RGS6: variants seen among roughly 807,000 people sequenced by gnomAD.
RGS6 encodes regulator of G-protein signaling 6.
RGS6 carries 30 observed loss-of-function variants against 78.5 expected under a neutral mutation model. The ratio of observed to expected loss-of-function variants is 0.38; its 90% CI spans 0.29 to 0.52. The LOEUF (loss-of-function observed/expected upper bound fraction) is 0.52, where lower values mean the gene tolerates loss of function less well. Among genes scored for constraint, RGS6 ranks in the 20% least tolerant of loss-of-function variants. The pLI is 0.85. For synonymous variants in RGS6, 206 were observed against 206.0 expected, an observed-to-expected ratio of 1.00 and a Z score of 0.00; for missense variants, 495 against 609.7, an observed-to-expected ratio of 0.81 and a Z score of 1.98.
chr14:72,149,310 T>C (rs1598401506), intron 2 of RGS6, among the ~76,000 whole-genome samples: 1 of 152,288 alleles, frequency 6.6e-6, no homozygotes, highest in Admixed American at 6.5e-5. Context: ...TCATTAGACA[T>C]GGCCCAGCCA....
At chr14:72,370,729 T>G (rs2083348816) in intron 3 of RGS6, among the ~76,000 whole-genome samples, 1 of 152,234 alleles carries the variant, frequency 6.6e-6, no homozygotes, top group African/African-American at 2.4e-5. Context: ...AAAAAATTTT[T>G]TAACATCAAT....
chr14:71,878,765 C>G, the RGS6 span, among the ~76,000 whole-genome samples: 1 of 152,174 alleles, frequency 6.6e-6, no homozygotes, highest in Non-Finnish European at 1.5e-5. Flanking sequence ...TCACCTGTCT[C>G]TGCATCACTC....
chr14:72,394,280 G>C (rs914511639), intron 3 of RGS6, among the ~76,000 whole-genome samples: 1 of 152,134 alleles, frequency 6.6e-6, no homozygotes, highest in Admixed American at 6.6e-5. Flanking sequence ...GTTTTTACTA[G>C]TGATTTTCAA....
At chr14:72,331,798 T>C (rs1417041002) in intron 2 of RGS6, among the ~76,000 whole-genome samples, 2 of 152,166 alleles carry the variant, frequency 1.3e-5, no homozygotes, top group Non-Finnish European at 2.9e-5. Flanking sequence ...CCAATTCATT[T>C]TCGTAACAAA....
chr14:72,227,812 G>T (rs1473471023), intron 2 of RGS6, among the ~76,000 whole-genome samples: 2 of 152,144 alleles, frequency 1.3e-5, no homozygotes, highest in African/African-American at 2.4e-5. Flanking sequence ...TGGGAGAAAA[G>T]AAAAACTTCT....
intron 2 of RGS6, among the ~76,000 whole-genome samples, chr14:72,166,966 G>C (rs1243449096): frequency 1.3e-5 from 2 of 152,270 alleles, no homozygotes; most frequent in African/African-American, 4.8e-5. Flanking sequence ...GCCAGGTATT[G>C]TTTTAAATAT....
chr14:72,520,244 A>G (rs1027016903), intron 15 of RGS6, among the ~76,000 whole-genome samples: 2 of 152,212 alleles, frequency 1.3e-5, no homozygotes, highest in Non-Finnish European at 2.9e-5. Flanking sequence ...TATTTGATGA[A>G]GGATTTAGAT....
the RGS6 span, among the ~76,000 whole-genome samples, chr14:72,583,901 A>G: frequency 6.6e-6 from 1 of 152,232 alleles, no homozygotes; most frequent in East Asian, 1.9e-4. Context: ...ATGGGGACAC[A>G]GGTGGGAAGC....
At chr14:71,877,374 C>A in the RGS6 span, among the ~76,000 whole-genome samples, 29 of 152,270 alleles carry the variant, frequency 1.9e-4, no homozygotes, top group African/African-American at 6.7e-4. Context: ...TTGTTTATTT[C>A]TTTTAACTCT....
chr14:72,159,250 T>C (rs1453406687), intron 2 of RGS6, among the ~76,000 whole-genome samples: 1 of 152,186 alleles, frequency 6.6e-6, no homozygotes, highest in Non-Finnish European at 1.5e-5. Flanking sequence ...GGCAGTGTTA[T>C]TCAGAACATC....
At chr14:72,605,142 C>T in the RGS6 span, among the ~76,000 whole-genome samples, 2 of 152,194 alleles carry the variant, frequency 1.3e-5, no homozygotes, top group East Asian at 1.9e-4. Context: ...GAGCAAGGAC[C>T]AGCGGCAGCC....
chr14:72,047,493 C>T (rs1249508338), intron 2 of RGS6, among the ~76,000 whole-genome samples: 1 of 152,172 alleles, frequency 6.6e-6, no homozygotes, highest in Non-Finnish European at 1.5e-5. Flanking sequence ...CTTCATCATA[C>T]AGACATACTT....
At chr14:72,036,855 T>A (rs2091785858) in intron 2 of RGS6, among the ~76,000 whole-genome samples, 1 of 152,154 alleles carries the variant, frequency 6.6e-6, no homozygotes, top group Non-Finnish European at 1.5e-5. Context: ...CTGTTATAGA[T>A]CATGATTTAC....
chr14:71,966,684 T>A (rs980924728), intron 2 of RGS6, among the ~76,000 whole-genome samples: 47 of 152,256 alleles, frequency 3.1e-4, no homozygotes, highest in Admixed American at 3.1e-3. Context: ...AAGATCACTT[T>A]AGATAAATCG....
At chr14:72,536,605 G>A (rs1017196636) in intron 16 of RGS6, among the ~76,000 whole-genome samples, 4 of 152,068 alleles carry the variant, frequency 2.6e-5, no homozygotes, top group Non-Finnish European at 4.4e-5. Flanking sequence ...AGTAACACCA[G>A]CAAAACCCTT....
At chr14:72,207,592 G>T (rs907941066) in intron 2 of RGS6, among the ~76,000 whole-genome samples, 2 of 152,136 alleles carry the variant, frequency 1.3e-5, no homozygotes. Context: ...TGTTTCCTCT[G>T]GCACATCTTT....
At chr14:72,559,631 G>A (rs1285793826) in intron 17 of RGS6, among the ~76,000 whole-genome samples, 3 of 152,202 alleles carry the variant, frequency 2.0e-5, no homozygotes, top group African/African-American at 7.2e-5. Flanking sequence ...GCACCGCCTG[G>A]GTTGCTGAGA....
chr14:72,064,973 A>G (rs931134571), intron 2 of RGS6, among the ~76,000 whole-genome samples: 1 of 152,210 alleles, frequency 6.6e-6, no homozygotes, highest in African/African-American at 2.4e-5. Flanking sequence ...ATTTTGTAGT[A>G]TCTTGGAGGT....
At chr14:71,963,381 A>G (rs538106494) in intron 1 of RGS6, among the ~76,000 whole-genome samples, 56 of 152,356 alleles carry the variant, frequency 3.7e-4, no homozygotes, top group African/African-American at 1.2e-3. Flanking sequence ...TGAAATTCAC[A>G]TAACACAAAA....
Sources: gnomAD v4.1 joint callset for allele counts (sites outside exome capture counted in the v4.1 genomes callset) on GRCh38, gnomAD v4.1.1 for gene constraint, MANE v1.5 for transcripts, NCBI Gene and HGNC (gene_info 2026-07-23, HGNC 2026-07-21) for gene names.